EXOSC10: variants seen among roughly 807,000 people sequenced by gnomAD.
EXOSC10 encodes the protein exosome component 10, also known as exosome complex component 10.
In EXOSC10, 94 loss-of-function variants were observed where a neutral mutation model predicts 126.6. The ratio of observed to expected loss-of-function variants is 0.74; its 90% CI spans 0.63 to 0.88. The LOEUF is 0.88. Ranked by LOEUF, EXOSC10 falls within the 40% of genes least tolerant of loss-of-function variation. The pLI is 0.00. For missense variants in EXOSC10, 1,041 were observed against 1,100.5 expected, an observed-to-expected ratio of 0.95 and a Z score of 0.77; for synonymous variants, 395 against 400.8, an observed-to-expected ratio of 0.99 and a Z score of 0.17.
At chr1:11,083,782 C>T (rs574162366) in intron 9 of EXOSC10, among the ~76,000 whole-genome samples, 50 of 152,234 alleles carry the variant, frequency 3.3e-4, no homozygotes, top group African/African-American at 1.2e-3. Flanking sequence ...CCCCCCTTTC[C>T]CCACCCCACA....
chr1:11,085,518 G>A (rs1640443206), intron 9 of EXOSC10, among the ~76,000 whole-genome samples: 2 of 152,094 alleles, frequency 1.3e-5, no homozygotes, highest in African/African-American at 4.8e-5. Flanking sequence ...AGGAGATTTT[G>A]GGCTGAGACA....
intron 20 of EXOSC10, chr1:11,071,342 AG>A: frequency 3.9e-6 from 1 of 257,650 alleles, no homozygotes. Context: ...CCAGCTGCTC[AG>A]GACAAAACCT....
chr1:11,071,719 T>A, intron 20 of EXOSC10: 1 of 189,592 alleles, frequency 5.3e-6, no homozygotes, highest in Non-Finnish European at 1.1e-5. Flanking sequence ...CCCGCTCTGC[T>A]CATGCAGGCC....
intron 18 of EXOSC10, 45 bp downstream of exon 18, chr1:11,074,186 G>C: frequency 3.4e-6 from 5 of 1,488,662 alleles, no homozygotes; most frequent in East Asian, 2.3e-5. Context: ...TACAGCTGTA[G>C]GCATCTCTGC....
chr1:11,068,984 C>A, intron 22 of EXOSC10: 1 of 496,526 alleles, frequency 2.0e-6, no homozygotes, highest in Non-Finnish European at 3.6e-6. Flanking sequence ...ATAAGGAAAT[C>A]CATTCTGATC....
intron 1 of EXOSC10, among the ~76,000 whole-genome samples, chr1:11,098,816 G>C (rs143254076): frequency 6.6e-6 from 1 of 152,188 alleles, no homozygotes; most frequent in Non-Finnish European, 1.5e-5. Flanking sequence ...AAAAAAAGCC[G>C]TGAAGTGACA....
Position 11,079,228 on chromosome 1 carries a change from T to C in EXOSC10, c.1749+483A>G, listed in dbSNP as rs974092204. 1.9e-4 allele frequency among the ~76,000 whole-genome samples: 29 copies of C among 150,404 alleles called. 1 individual carries two copies. Among genetic ancestry groups the C allele is most frequent in the Admixed American group, 1.9e-3 (28 of 15,070 alleles). Reference sequence around the variant, plus strand: ...CCTGTAATCCCAGCGACTCAGGAGGTTGAGTCAGGAGAACTGCTTGAATCC... The same window carrying C: ...CCTGTAATCCCAGCGACTCAGGAGGCTGAGTCAGGAGAACTGCTTGAATCC... On this transcript the variant is annotated intron_variant, in intron 14 of 24. Transcript: ENST00000376936.
rs111461155 is a variant in EXOSC10 at position 11,079,823 on chromosome 1, C to T, written c.1638-1G>A. ...GCAAGCTATGATGCCCTGAGGTTCC[C>T]TGAAGACAAGTAAGAACACACTCAA... On this transcript the variant is annotated splice_acceptor_variant, in intron 13 of 24. Transcript: ENST00000376936. LOFTEE classifies it high-confidence loss of function. 6.2e-7 allele frequency: 1 copy of T among 1,609,552 alleles called. No homozygotes were observed. The highest frequency in any genetic ancestry group is 8.5e-7 in the Non-Finnish European group (1 of 1,177,608).
Position 11,072,080 on chromosome 1 carries a change from G to C in EXOSC10, c.2242+7C>G, listed in dbSNP as rs887818151. On this transcript the variant is annotated splice_region_variant and intron_variant, in intron 20 of 24. Transcript: ENST00000376936. ...AGCCGACTGAGTTGCAAGGAAGTGAGTGTTACCTGTTTGCTCAGCTGCCTT... is the reference window on the plus strand; with the variant it reads ...AGCCGACTGAGTTGCAAGGAAGTGACTGTTACCTGTTTGCTCAGCTGCCTT... 56 of 1,609,990 alleles carry C rather than the reference G, an allele frequency of 3.5e-5. No homozygotes were observed. The highest frequency in any genetic ancestry group is 4.8e-5 in the Non-Finnish European group (56 of 1,177,478).
At chr1:11,097,464 C>T (rs1002953772) in intron 2 of EXOSC10, among the ~76,000 whole-genome samples, 5 of 151,956 alleles carry the variant, frequency 3.3e-5, no homozygotes, top group Non-Finnish European at 7.4e-5. Context: ...CGGTGGCTCA[C>T]GCCTGTAATC....
At chr1:11,074,901 A>G (rs1639727521) in intron 17 of EXOSC10, among the ~76,000 whole-genome samples, 1 of 152,190 alleles carries the variant, frequency 6.6e-6, no homozygotes, top group Non-Finnish European at 1.5e-5. Flanking sequence ...AGAGGAGGAA[A>G]CTGAGGCCTA....
Position 11,087,584 on chromosome 1 carries a change from G to A in EXOSC10, c.953C>T (p.Ser318Phe). ...QEFAVDLEHH[S>F]YRSFLGLTCL... Reference sequence around the variant, plus strand: ...GGTCAGTCCCAGGAAGCTCCTGTAAGAGTGGTGCTAAACCCCACAGAAGGA... The same window carrying A: ...GGTCAGTCCCAGGAAGCTCCTGTAAAAGTGGTGCTAAACCCCACAGAAGGA... The change falls in exon 9 of 25, where the codon TCT (serine) becomes TTT (phenylalanine). Residue 318 changes from serine to phenylalanine, a missense_variant. Ser to Phe is a radical substitution (Grantham distance 155). Coordinates refer to ENST00000376936, the MANE Select transcript of EXOSC10 (RefSeq NM_001001998.3). 1 of 1,614,132 alleles carries A rather than the reference G, an allele frequency of 6.2e-7. No individual in the cohort carries two copies. The highest frequency in any genetic ancestry group is 8.5e-7 in the Non-Finnish European group (1 of 1,180,022).
Position 11,072,189 on chromosome 1 carries a change from A to G in EXOSC10, c.2158-18T>C, listed in dbSNP as rs768012894. On this transcript the variant is annotated intron_variant, in intron 19 of 24. Coordinates refer to ENST00000376936, the MANE Select transcript of EXOSC10 (RefSeq NM_001001998.3). Reference sequence around the variant, plus strand: ...TTGCTGATCTATAATGAAAGCAAATATAACAAAAAAAACCCTCCAAAGTCA... The same window carrying G: ...TTGCTGATCTATAATGAAAGCAAATGTAACAAAAAAAACCCTCCAAAGTCA... 49 of 1,590,714 alleles carry G rather than the reference A, an allele frequency of 3.1e-5. 1 individual carries two copies. The South Asian group carries it at 4.6e-4, about 15-fold the overall frequency.
chr1:11,077,492 C>G, intron 15 of EXOSC10, 49 bp from the exon 16 acceptor site: 1 of 1,602,094 alleles, frequency 6.2e-7, no homozygotes, highest in South Asian at 1.1e-5. Flanking sequence ...TGCAAGCCGG[C>G]AGTAGCTTTC....
intron 19 of EXOSC10, chr1:11,072,702 T>G (rs1210852269): frequency 6.6e-6 from 1 of 152,266 alleles, no homozygotes; most frequent in African/African-American, 2.4e-5. Flanking sequence ...CCCACCTGAT[T>G]CCCCATTTCC....
In EXOSC10 at chr1:11,066,721, T is replaced by TC; in HGVS notation, c.2654dup (p.Ter886IlefsTer29). Reference sequence around the variant, plus strand: ...AGGCGCCACGTGTCTTCCAGGACTATCTCTGTGGCCAGTTGTACCTGAAGC... The same window carrying TC: ...AGGCGCCACGTGTCTTCCAGGACTATCCTCTGTGGCCAGTTGTACCTGAAGC... On this transcript the variant is annotated frameshift_variant, in exon 25 of 25. Coordinates refer to ENST00000376936, the MANE Select transcript of EXOSC10 (RefSeq NM_001001998.3). LOFTEE classifies it high-confidence loss of function. 1 of 1,614,242 alleles carries TC rather than the reference T, an allele frequency of 6.2e-7. No homozygotes were observed. Among genetic ancestry groups the TC allele is most frequent in the Non-Finnish European group, 8.5e-7 (1 of 1,180,032 alleles).
intron 18 of EXOSC10, 66 bp downstream of exon 18, chr1:11,074,165 G>T: frequency 6.9e-7 from 1 of 1,455,070 alleles, no homozygotes; most frequent in Non-Finnish European, 9.7e-7. Flanking sequence ...TCCTTCCCAG[G>T]TAAAAGCATG....
intron 6 of EXOSC10, 32 bp from the exon 7 acceptor site, chr1:11,088,230 C>G: frequency 6.6e-7 from 1 of 1,504,844 alleles, no homozygotes; most frequent in African/African-American, 1.4e-5. Context: ...AGAAATCATT[C>G]TGATTAATTC....
At chr1:11,068,795 T>C (rs1467307814) in intron 22 of EXOSC10, 89 bp from the exon 23 acceptor site, 41 of 1,051,838 alleles carry the variant, frequency 3.9e-5, no homozygotes, top group Non-Finnish European at 6.1e-5. Flanking sequence ...ACCATGACAC[T>C]CAGGGAAGCC....
Sources: gnomAD v4.1 joint callset for allele counts (sites outside exome capture counted in the v4.1 genomes callset) on GRCh38, gnomAD v4.1.1 for gene constraint, MANE v1.5 for transcripts, NCBI Gene and HGNC (gene_info 2026-07-23, HGNC 2026-07-21) for gene names.